CUTC: variants seen among roughly 807,000 people sequenced by gnomAD.
The protein encoded by CUTC is cutC copper transporter, also known as copper homeostasis protein cutC homolog.
CUTC carries 27 observed loss-of-function variants against 36.2 expected under a neutral mutation model. The ratio of observed to expected loss-of-function variants is 0.75; its 90% CI spans 0.55 to 1.03. CUTC has a LOEUF of 1.03. Ranked by LOEUF, CUTC falls within the 50% of genes least tolerant of loss-of-function variation. The pLI, the probability that CUTC is intolerant of heterozygous loss-of-function variation, is 0.00. For synonymous variants in CUTC, 114 were observed against 118.3 expected, an observed-to-expected ratio of 0.96 and a Z score of 0.24; for missense variants, 315 against 343.5, an observed-to-expected ratio of 0.92 and a Z score of 0.66.
chr10:99,754,555 C>T lies in CUTC; in HGVS notation c.628C>T (p.Gln210Ter). ...PGGGITDRNLQRILEGSGATE... is the reference protein window; with the variant it reads ...PGGGITDRNL Reference sequence around the variant, plus strand: ...AGGTGGTATAACAGACAGAAATCTACAAAGGATCCTTGAGGGTTCAGGTGC... The same window carrying T: ...AGGTGGTATAACAGACAGAAATCTATAAAGGATCCTTGAGGGTTCAGGTGC... Residue 210 changes from glutamine (Q) to a stop codon, truncating the protein, a stop_gained, in exon 8 of 9, where the codon CAA (glutamine) becomes TAA (stop). Coordinates refer to ENST00000370476, the MANE Select transcript of CUTC (RefSeq NM_015960.3). LOFTEE classifies it high-confidence loss of function. The T allele has an allele frequency of 6.2e-7, 1 of 1,613,198 alleles. No homozygotes were observed. The highest frequency in any genetic ancestry group is 8.5e-7 in the Non-Finnish European group (1 of 1,179,332).
intron 2 of CUTC, among the ~76,000 whole-genome samples, chr10:99,738,389 G>GGGGT (rs148974907): frequency 6.2e-4 from 89 of 142,962 alleles, no homozygotes; most frequent in East Asian, 2.9e-3. Context: ...ACTCATACAG[G>GGGGT]GTGTGTGTGT....
At chr10:99,754,659 A>G in intron 8 of CUTC, 25 bp downstream of exon 8, 1 of 1,506,402 alleles carries the variant, frequency 6.6e-7, no homozygotes, top group Non-Finnish European at 9.2e-7. Flanking sequence ...TTCGATTCAA[A>G]TAAGAAGGAT....
intron 8 of CUTC, 126 bp downstream of exon 8, chr10:99,754,760 T>C: frequency 1.5e-6 from 1 of 646,166 alleles, no homozygotes; most frequent in Non-Finnish European, 2.7e-6. Context: ...ATAAGTATTG[T>C]AGTTGTTTTT....
chr10:99,732,378 A>T lies in CUTC; in HGVS notation c.30A>T (p.Arg10=). MKRQGASSE[R]KRARIPSGKA... ...AAAGGCAGGGGGCCTCCTCTGAGCG[A>T]AAACGAGCGCGGATACCGTCCGGGA... is the stretch of plus-strand genomic sequence containing the variant. The change falls in exon 1 of 9, where the codon CGA becomes CGT. Residue 10 remains arginine (R), a synonymous_variant. Coordinates refer to ENST00000370476, the MANE Select transcript of CUTC (RefSeq NM_015960.3). 6.4e-7 allele frequency: 1 copy of T among 1,553,278 alleles called. No individual in the cohort carries two copies. Among genetic ancestry groups the T allele is most frequent in the Non-Finnish European group, 8.7e-7 (1 of 1,148,196 alleles).
At chr10:99,734,459 C>T (rs1156943095) in intron 1 of CUTC, among the ~76,000 whole-genome samples, 1 of 151,536 alleles carries the variant, frequency 6.6e-6, no homozygotes, top group African/African-American at 2.4e-5. Flanking sequence ...GTAAAAATTG[C>T]TTTTTTAAAT....
At chr10:99,742,188 C>G (rs1216871940) in intron 3 of CUTC, among the ~76,000 whole-genome samples, 1 of 152,126 alleles carries the variant, frequency 6.6e-6, no homozygotes, top group Non-Finnish European at 1.5e-5. Context: ...ACCACTGTTT[C>G]ATATATTTTG....
chr10:99,740,146 T>A lies in CUTC; in HGVS notation c.193+377T>A, dbSNP rs149955603. On this transcript the variant is annotated intron_variant, in intron 3 of 8. Transcript: ENST00000370476. ...AAAAACTCCATGCTGTATTGTTAGT[T>A]TTGTTTGAAGAGTCAATTATCTTTT... Among the ~76,000 whole-genome samples the A allele has an allele frequency of 1.8e-3, 271 of 152,314 alleles. 1 individual carries two copies. The highest frequency in any genetic ancestry group is 5.5e-3 in the African/African-American group (228 of 41,574).
At chr10:99,736,031 AT>A (rs568692127) in intron 1 of CUTC, among the ~76,000 whole-genome samples, 72 of 152,304 alleles carry the variant, frequency 4.7e-4, no homozygotes, top group African/African-American at 1.7e-3. Flanking sequence ...CCTCAGTATA[AT>A]TTTTTATACA....
intron 1 of CUTC, among the ~76,000 whole-genome samples, chr10:99,734,213 G>C (rs2037272046): frequency 6.6e-6 from 1 of 152,006 alleles, no homozygotes; most frequent in South Asian, 2.1e-4. Context: ...GGGATTACAG[G>C]CGCCCGCCAC....
chr10:99,737,862 ACT>A (rs34086538), intron 2 of CUTC, among the ~76,000 whole-genome samples: 62,533 of 151,370 alleles, frequency 0.41, 13,065 homozygotes, highest in East Asian at 0.61. Context: ...AAAAATAAAG[ACT>A]CTTGCCGGGC....
intron 5 of CUTC, among the ~76,000 whole-genome samples, chr10:99,746,933 A>G (rs2037381718): frequency 6.6e-6 from 1 of 152,084 alleles, no homozygotes; most frequent in African/African-American, 2.4e-5. Context: ...CACCATGCCC[A>G]GATAATTTTT....
intron 5 of CUTC, among the ~76,000 whole-genome samples, chr10:99,746,672 G>C (rs929335375): frequency 6.6e-6 from 1 of 152,110 alleles, no homozygotes; most frequent in Non-Finnish European, 1.5e-5. Context: ...GTGGTGTGCT[G>C]ATGAACTGGC....
intron 3 of CUTC, among the ~76,000 whole-genome samples, chr10:99,741,842 G>A (rs2037343619): frequency 6.6e-6 from 1 of 152,064 alleles, no homozygotes; most frequent in African/African-American, 2.4e-5. Context: ...AAAGCACTGG[G>A]ATTACAGGCA....
chr10:99,750,309 T>C (rs1204546588), intron 6 of CUTC, 60 bp from the exon 7 acceptor site: 7 of 1,308,502 alleles, frequency 5.3e-6, no homozygotes, highest in Admixed American at 2.0e-5. Context: ...CTCACTGCCT[T>C]ATTATCCCAT....
chr10:99,735,034 G>C (rs551939836), intron 1 of CUTC, among the ~76,000 whole-genome samples: 1 of 150,798 alleles, frequency 6.6e-6, no homozygotes, highest in Non-Finnish European at 1.5e-5. Flanking sequence ...CCTGGGAGGC[G>C]GAGGTTGCAG....
chr10:99,747,354 A>G lies in CUTC; in HGVS notation c.537A>G (p.Leu179=), dbSNP rs758541586. ...VLTSGCDSSA[L]EGLPLIKRLI... ...CCAGTGGATGTGACAGTTCAGCATT[A>G]GAAGGGCTACCCCTAATAAAGCGAC... The change falls in exon 6 of 9, where the codon TTA becomes TTG. Residue 179 remains leucine, a synonymous_variant. Coordinates refer to ENST00000370476, the MANE Select transcript of CUTC (RefSeq NM_015960.3). The G allele has an allele frequency of 6.8e-6, 11 of 1,614,102 alleles. No homozygotes were observed. In the South Asian group the frequency reaches 1.2e-4, roughly 18 times the overall value.
chr10:99,742,647 A>G (rs1272509314), intron 3 of CUTC, among the ~76,000 whole-genome samples: 2 of 152,038 alleles, frequency 1.3e-5, no homozygotes, highest in Non-Finnish European at 2.9e-5. Flanking sequence ...ACTTTTATGC[A>G]TAGATCTCTG....
intron 1 of CUTC, among the ~76,000 whole-genome samples, chr10:99,735,080 C>T (rs1183814715): frequency 1.4e-4 from 15 of 108,312 alleles, no homozygotes; most frequent in African/African-American, 5.1e-4. Context: ...CTAGCCTGGG[C>T]GACAGAGCAA....
intron 3 of CUTC, among the ~76,000 whole-genome samples, chr10:99,741,241 G>C (rs2037338565): frequency 1.3e-5 from 2 of 152,176 alleles, no homozygotes; most frequent in African/African-American, 4.8e-5. Flanking sequence ...GGTTAATACA[G>C]AGCTAATTAT....
Sources: allele counts gnomAD v4.1 joint callset (sites outside exome capture counted in the v4.1 genomes callset), GRCh38; gene constraint gnomAD v4.1.1; transcripts MANE v1.5; gene names NCBI Gene and HGNC (gene_info 2026-07-23, HGNC 2026-07-21).